Variants in ATP10D observed in about 807,000 individuals in gnomAD.
ATP10D encodes ATPase phospholipid transporting 10D (putative).
In ATP10D, 89 loss-of-function variants were observed where a neutral mutation model predicts 144.8. That is an observed-to-expected ratio of 0.61 (90% CI 0.52 to 0.73). The LOEUF (loss-of-function observed/expected upper bound fraction) is 0.73. Ranked by LOEUF, ATP10D falls within the 30% of genes least tolerant of loss-of-function variation. The pLI is 0.00. For synonymous variants in ATP10D, 571 were observed against 615.1 expected, an observed-to-expected ratio of 0.93 and a Z score of 1.06; for missense variants, 1,603 against 1,714.8, an observed-to-expected ratio of 0.93 and a Z score of 1.15.
rs1721108407 is a variant in ATP10D at position 47,592,865 on chromosome 4, GT to G, written c.*1487del. 1.3e-5 allele frequency: 2 copies of G among 152,630 alleles called. No individual in the cohort carries two copies. The highest frequency in any genetic ancestry group is 4.1e-4 in the South Asian group (2 of 4,824). The allele number at this position is 152,630 out of a possible 1,614,324, so 9.5% of individuals were successfully genotyped here. A position where few individuals can be genotyped will look rare whatever the true frequency, so the allele number is the denominator to read the frequency against. On this transcript the variant is annotated 3_prime_UTR_variant, in exon 23 of 23. Transcript: ENST00000273859. ...TTATGACTGTTTTTATAAATAAACT[GT>G]TTCATAAATAATGTATACTGGAAAA...
intron 1 of ATP10D, among the ~76,000 whole-genome samples, chr4:47,497,216 G>A (rs1384313886): frequency 3.3e-5 from 5 of 152,176 alleles, no homozygotes; most frequent in Admixed American, 6.5e-5. Context: ...AGCACTTTAG[G>A]AGGCTGAGGT....
intron 1 of ATP10D, among the ~76,000 whole-genome samples, chr4:47,496,824 T>A (rs552293122): frequency 6.6e-6 from 1 of 152,112 alleles, no homozygotes; most frequent in East Asian, 1.9e-4. Context: ...TTTTTAATAT[T>A]TATCTTATAA....
Position 47,568,905 on chromosome 4 carries a change from G to T in ATP10D, c.2922G>T (p.Glu974Asp). The T allele has an allele frequency of 2.5e-6, 4 of 1,614,206 alleles. No individual in the cohort carries two copies. Among genetic ancestry groups the T allele is most frequent in the East Asian group, 2.2e-5 (1 of 44,880 alleles). Residue 974 changes from glutamate (E) to aspartate (D), a missense_variant, in exon 16 of 23, where the codon GAG (glutamate) becomes GAT (aspartate). Transcript: ENST00000273859. ...AGAAGAAAACTCAAGCCCTGCCAGA[G>T]CAAGTGTCATTAAGTGAAGATTTAC... ...ELQKKTQALP[E>D]QVSLSEDLLQ... is the part of the protein sequence containing the mutation.
intron 9 of ATP10D, among the ~76,000 whole-genome samples, chr4:47,540,468 C>G (rs539509658): frequency 6.6e-6 from 1 of 152,100 alleles, no homozygotes; most frequent in African/African-American, 2.4e-5. Context: ...AATAATATCC[C>G]CAGGTGATTA....
chr4:47,570,239 G>T (rs1024026805), intron 16 of ATP10D, among the ~76,000 whole-genome samples: 1 of 152,146 alleles, frequency 6.6e-6, no homozygotes, highest in African/African-American at 2.4e-5. Context: ...TCTGAAAAAA[G>T]ACCCAGAGAC....
chr4:47,591,158 C>T lies in ATP10D; in HGVS notation c.4058C>T (p.Ala1353Val). 6.2e-7 allele frequency: 1 copy of T among 1,613,542 alleles called. No homozygotes were observed. Among genetic ancestry groups the T allele is most frequent in the South Asian group, 1.1e-5 (1 of 91,060 alleles). ...AAAGCTCTCAAGAAGTGGAGAGGGG[C>T]TGGAAAGATGAATCAAGTGACATCA... Reference protein sequence around the residue: ...RTKALKKWRGAGKMNQVTSKY... With the variant: ...RTKALKKWRGVGKMNQVTSKY... Residue 1353 changes from alanine to valine, a missense_variant, in exon 23 of 23, where the codon GCT becomes GTT. Transcript: ENST00000273859.
Position 47,512,749 on chromosome 4 carries a change from C to T in ATP10D, c.209C>T (p.Ala70Val), listed in dbSNP as rs759803259. 6.2e-7 allele frequency: 1 copy of T among 1,614,088 alleles called. No homozygotes were observed. Among genetic ancestry groups the T allele is most frequent in the Non-Finnish European group, 8.5e-7 (1 of 1,179,958 alleles). Reference protein sequence around the residue: ...FKDEYEKFSGAYVNNRIRTTK... With the variant: ...FKDEYEKFSGVYVNNRIRTTK... ...GATGAGTATGAGAAGTTCTCCGGAG[C>T]CTATGTGAACAATCGAATACGAACA... Residue 70 changes from alanine to valine, a missense_variant, in exon 2 of 23, where the codon GCC becomes GTC. Ala to Val is a moderately conservative substitution (Grantham distance 64, BLOSUM62 0). Coordinates refer to ENST00000273859, the MANE Select transcript of ATP10D (RefSeq NM_020453.4).
At position 47,548,853 on chromosome 4, in the gene ATP10D, C is replaced by T. The variant is rs145222119; in HGVS notation, c.1635+1991C>T. Among the ~76,000 whole-genome samples, 161 of 152,288 alleles carry T rather than the reference C, an allele frequency of 1.1e-3. 3 individuals carry two copies. The highest frequency in any genetic ancestry group is 3.8e-3 in the African/African-American group (157 of 41,570). Reference sequence around the variant, plus strand: ...ACTAAAGATTATTTTGAGAAAACTACATAATATTTGATCTGAAAAATGAGC... The same window carrying T: ...ACTAAAGATTATTTTGAGAAAACTATATAATATTTGATCTGAAAAATGAGC... On this transcript the variant is annotated intron_variant, in intron 10 of 22. Coordinates refer to ENST00000273859, the MANE Select transcript of ATP10D (RefSeq NM_020453.4).
At chr4:47,524,725 A>G (rs1279830925) in intron 4 of ATP10D, among the ~76,000 whole-genome samples, 1 of 152,202 alleles carries the variant, frequency 6.6e-6, no homozygotes, top group African/African-American at 2.4e-5. Context: ...ATTAGACCCA[A>G]TTATTTTAGT....
intron 1 of ATP10D, chr4:47,491,491 T>C (rs1366359404): frequency 1.5e-6 from 1 of 649,172 alleles, no homozygotes; most frequent in Non-Finnish European, 2.8e-6. Context: ...ATGGTGGTTC[T>C]GGCCAAAAGG....
At chr4:47,567,980 T>C (rs1719731300) in intron 15 of ATP10D, among the ~76,000 whole-genome samples, 1 of 152,242 alleles carries the variant, frequency 6.6e-6, no homozygotes, top group Admixed American at 6.5e-5. Flanking sequence ...TTGGAATTTG[T>C]TCTTAGTGAT....
At chr4:47,530,703 G>A (rs1395883664) in intron 5 of ATP10D, among the ~76,000 whole-genome samples, 2 of 152,124 alleles carry the variant, frequency 1.3e-5, no homozygotes, top group Non-Finnish European at 2.9e-5. Flanking sequence ...TGATCTGCCT[G>A]CCTTGGCCTC....
chr4:47,500,643 C>T (rs567615069), intron 1 of ATP10D, among the ~76,000 whole-genome samples: 138 of 152,246 alleles, frequency 9.1e-4, no homozygotes, highest in African/African-American at 3.3e-3. Flanking sequence ...AGGGGAGAAG[C>T]AGTTTAGGGG....
chr4:47,506,685 C>T (rs1263816716), intron 1 of ATP10D, among the ~76,000 whole-genome samples: 2 of 152,102 alleles, frequency 1.3e-5, no homozygotes, highest in African/African-American at 4.8e-5. Context: ...AGATCTAAAA[C>T]ATTCTTTCTT....
intron 5 of ATP10D, among the ~76,000 whole-genome samples, chr4:47,529,053 T>C (rs2109417069): frequency 6.6e-6 from 1 of 152,312 alleles, no homozygotes. Flanking sequence ...CTTTGTTAGA[T>C]ACATAGTTTG....
Position 47,505,738 on chromosome 4 carries a change from C to T in ATP10D, c.-37-6766C>T, listed in dbSNP as rs150765494. On this transcript the variant is annotated intron_variant, in intron 1 of 22. Coordinates refer to ENST00000273859, the MANE Select transcript of ATP10D (RefSeq NM_020453.4). ...CAGCATGGGCGACAGAGCAAGACTC[C>T]GTCTCCAAAAGAAAAAGAAAAAAAG... Among the ~76,000 whole-genome samples the T allele has an allele frequency of 4.5e-3, 685 of 151,274 alleles. 14 individuals carry two copies. Among genetic ancestry groups the T allele is most frequent in the Admixed American group, 0.034 (523 of 15,198 alleles).
chr4:47,488,630 A>AAGAT (rs1270488239), intron 1 of ATP10D, among the ~76,000 whole-genome samples: 1 of 150,472 alleles, frequency 6.6e-6, no homozygotes, highest in East Asian at 1.9e-4. Flanking sequence ...AAAAAAAAAA[A>AAGAT]AAAAGATAAA....
intron 1 of ATP10D, among the ~76,000 whole-genome samples, chr4:47,502,169 G>A (rs1004018869): frequency 3.9e-5 from 6 of 152,182 alleles, no homozygotes; most frequent in Admixed American, 3.9e-4. Flanking sequence ...AATTGGACAT[G>A]TGATCCCTTC....
At chr4:47,489,628 C>G (rs1291837691) in intron 1 of ATP10D, among the ~76,000 whole-genome samples, 3 of 151,994 alleles carry the variant, frequency 2.0e-5, no homozygotes, top group African/African-American at 7.3e-5. Context: ...TTATATATCC[C>G]CTCTTTCACA....
Sources: gnomAD v4.1 joint callset for allele counts (sites outside exome capture counted in the v4.1 genomes callset) on GRCh38, gnomAD v4.1.1 for gene constraint, MANE v1.5 for transcripts, NCBI Gene and HGNC (gene_info 2026-07-23, HGNC 2026-07-21) for gene names.